The following NRG1 variants were observed in gnomAD, a reference collection of about 807,000 sequenced individuals.
NRG1 encodes the protein neuregulin 1, also known as pro-neuregulin-1, membrane-bound isoform.
Under a neutral mutation model 63.8 loss-of-function variants are expected in NRG1, and 18 were observed. The ratio of observed to expected loss-of-function variants is 0.28; its 90% confidence interval spans 0.19 to 0.42. The LOEUF (loss-of-function observed/expected upper bound fraction) is 0.42. NRG1 is among the 10% of genes least tolerant of loss of function. The pLI, the probability that NRG1 is intolerant of heterozygous loss-of-function variation, is 1.00. For synonymous variants in NRG1, 302 were observed against 301.3 expected (o/e 1.00, Z -0.02); for missense variants, 762 against 814.7 (o/e 0.94, Z 0.79).
intron 1 of NRG1, among the ~76,000 whole-genome samples, chr8:32,499,578 G>A (rs1335021024): frequency 6.6e-6 from 1 of 152,142 alleles, no homozygotes; most frequent in East Asian, 1.9e-4. Context: ...GGAGGCTGAG[G>A]TGGACGGATT....
chr8:31,990,431 A>C (rs1317026441), intron 1 of NRG1, among the ~76,000 whole-genome samples: 2 of 152,122 alleles, frequency 1.3e-5, no homozygotes, highest in East Asian at 3.9e-4. Flanking sequence ...CAGGACTGAG[A>C]TAAATTAATG....
chr8:31,966,163 C>A (rs999449718), intron 1 of NRG1, among the ~76,000 whole-genome samples: 4 of 151,916 alleles, frequency 2.6e-5, no homozygotes, highest in African/African-American at 9.7e-5. Context: ...GGCAGATGAC[C>A]ATAACTAGGA....
At chr8:32,434,947 A>T (rs1291507808) in intron 1 of NRG1, among the ~76,000 whole-genome samples, 2 of 152,146 alleles carry the variant, frequency 1.3e-5, no homozygotes, top group African/African-American at 4.8e-5. Context: ...TATGTCAGGG[A>T]GTTGAGCATC....
chr8:31,681,066 C>G (rs1445671736), intron 1 of NRG1, among the ~76,000 whole-genome samples: 2 of 151,972 alleles, frequency 1.3e-5, no homozygotes, highest in Non-Finnish European at 2.9e-5. Flanking sequence ...AGACTTGACT[C>G]TTAAGACAGG....
chr8:31,642,979 A>AGT (rs34942505), intron 1 of NRG1, among the ~76,000 whole-genome samples: 18,461 of 150,964 alleles, frequency 0.12, 1,177 homozygotes, highest in Middle Eastern at 0.15. Flanking sequence ...TGAGTGTAAA[A>AGT]GTGTGTGTGT....
At chr8:31,654,960 G>T (rs775299888) in intron 1 of NRG1, among the ~76,000 whole-genome samples, 4 of 151,982 alleles carry the variant, frequency 2.6e-5, no homozygotes, top group Non-Finnish European at 5.9e-5. Context: ...AAATAAAAAA[G>T]AATTCCCTGT....
At position 32,422,348 on chromosome 8, in the gene NRG1, C is replaced by A. The variant is rs796271724; in HGVS notation, c.38-173480C>A. Among the ~76,000 whole-genome samples, 13 of 152,224 alleles carry A rather than the reference C, an allele frequency of 8.5e-5. No individual in the cohort carries two copies. In the South Asian group the frequency reaches 2.1e-3, roughly 24 times the overall value. On this transcript the variant is annotated intron_variant, in intron 1 of 10. Transcript: ENST00000519301. ...TAACATACTCCTCACAAAATAATAT[C>A]ATTGATAGTTTCCCATTTCAATTAA...
chr8:32,272,049 GT>G (rs1413651512), intron 1 of NRG1, among the ~76,000 whole-genome samples: 2 of 152,242 alleles, frequency 1.3e-5, no homozygotes, highest in East Asian at 3.9e-4. Context: ...AGAACATTGT[GT>G]TTTCAAGTTT....
intron 1 of NRG1, among the ~76,000 whole-genome samples, chr8:32,169,569 T>C (rs546780728): frequency 6.6e-6 from 1 of 152,320 alleles, no homozygotes; most frequent in East Asian, 1.9e-4. Context: ...AGAAAGTGGC[T>C]GAAATTGAAG....
chr8:32,681,797 T>C (rs1414726800), intron 5 of NRG1, among the ~76,000 whole-genome samples: 1 of 152,156 alleles, frequency 6.6e-6, no homozygotes, highest in Non-Finnish European at 1.5e-5. Context: ...GTATATGACA[T>C]GAAACAGACG....
intron 1 of NRG1, among the ~76,000 whole-genome samples, chr8:32,281,726 GTACCAGCTAC>G (rs1426226863): frequency 1.3e-5 from 2 of 152,106 alleles, no homozygotes; most frequent in Non-Finnish European, 2.9e-5. Flanking sequence ...TGCATCTGTA[GTACCAGCTAC>G]TCAGGACACT....
intron 1 of NRG1, among the ~76,000 whole-genome samples, chr8:32,385,309 G>A (rs1437116044): frequency 6.6e-6 from 1 of 152,134 alleles, no homozygotes; most frequent in Non-Finnish European, 1.5e-5. Flanking sequence ...ACAGGCGTGA[G>A]CCACCGCGCC....
chr8:32,543,871 G>T (rs1832800819), upstream of NRG1, among the ~76,000 whole-genome samples: 1 of 152,060 alleles, frequency 6.6e-6, no homozygotes, highest in African/African-American at 2.4e-5. Flanking sequence ...ACCACTTCTA[G>T]TTTTGCCAGA....
At chr8:32,251,116 G>C (rs952741376) in intron 1 of NRG1, among the ~76,000 whole-genome samples, 1 of 151,892 alleles carries the variant, frequency 6.6e-6, no homozygotes, top group African/African-American at 2.4e-5. Context: ...GTGCAGGTTT[G>C]TTACATAGGC....
At chr8:32,580,197 C>A (rs897535607) in intron 1 of NRG1, among the ~76,000 whole-genome samples, 6 of 152,124 alleles carry the variant, frequency 3.9e-5, no homozygotes, top group African/African-American at 1.4e-4. Context: ...CATAATTTCC[C>A]CATGTTAGTA....
intron 1 of NRG1, among the ~76,000 whole-genome samples, chr8:32,008,485 C>T (rs1303575653): frequency 6.6e-6 from 1 of 151,916 alleles, no homozygotes; most frequent in Non-Finnish European, 1.5e-5. Context: ...CTGCCTAGTT[C>T]GGTTTCTCAG....
chr8:32,207,374 A>T (rs1391481193), intron 1 of NRG1, among the ~76,000 whole-genome samples: 1 of 151,936 alleles, frequency 6.6e-6, no homozygotes, highest in Non-Finnish European at 1.5e-5. Flanking sequence ...TTTTGCATCA[A>T]CCTAATACCT....
chr8:31,751,380 G>A (rs1289834559), intron 1 of NRG1, among the ~76,000 whole-genome samples: 1 of 151,944 alleles, frequency 6.6e-6, no homozygotes, highest in Non-Finnish European at 1.5e-5. Context: ...ACAAGGGGAG[G>A]GAACAGTGTT....
intron 1 of NRG1, among the ~76,000 whole-genome samples, chr8:31,712,022 G>T (rs1020369087): frequency 6.6e-6 from 1 of 151,954 alleles, no homozygotes; most frequent in South Asian, 2.1e-4. Context: ...CTCCAAATAC[G>T]TTTGTTGTAT....
Sources: gnomAD v4.1 joint callset for allele counts (sites outside exome capture counted in the v4.1 genomes callset) on GRCh38, gnomAD v4.1.1 for gene constraint, MANE v1.5 for transcripts, NCBI Gene and HGNC (gene_info 2026-07-23, HGNC 2026-07-21) for gene names.